Variants in MAGI2 observed in about 807,000 individuals in gnomAD.
MAGI2 encodes membrane-associated guanylate kinase, WW and PDZ domain-containing protein 2.
In MAGI2, 35 loss-of-function variants were observed where a neutral mutation model predicts 133.3. The observed-to-expected ratio is 0.26, with a 90% CI of 0.20 to 0.35. The LOEUF is 0.35. Among genes scored for constraint, MAGI2 ranks in the 10% least tolerant of loss-of-function variants. The pLI is 1.00. For missense variants in MAGI2, 1,636 were observed against 1,863.4 expected (o/e 0.88, Z 2.25); for synonymous variants, 729 against 710.6 (o/e 1.03, Z -0.41).
chr7:78,286,038 T>C (rs749173238), intron 9 of MAGI2, among the ~76,000 whole-genome samples: 1 of 152,160 alleles, frequency 6.6e-6, no homozygotes, highest in Non-Finnish European at 1.5e-5. Context: ...TGTTAAAAAT[T>C]AGAATAAAGT....
At chr7:79,258,092 T>G (rs1833825008) in intron 1 of MAGI2, among the ~76,000 whole-genome samples, 1 of 152,196 alleles carries the variant, frequency 6.6e-6, no homozygotes, top group South Asian at 2.1e-4. Context: ...TTTGTCCATA[T>G]TGATTTTAAA....
intron 1 of MAGI2, among the ~76,000 whole-genome samples, chr7:79,314,539 G>C (rs1315131440): frequency 6.6e-6 from 1 of 152,178 alleles, no homozygotes; most frequent in African/African-American, 2.4e-5. Context: ...TATTATCCTT[G>C]AGACAGATTT....
At chr7:79,217,854 A>G (rs1585230865) in intron 1 of MAGI2, among the ~76,000 whole-genome samples, 1 of 151,980 alleles carries the variant, frequency 6.6e-6, no homozygotes, top group East Asian at 1.9e-4. Flanking sequence ...CAGTCAATAA[A>G]TGGTGGTTAT....
intron 6 of MAGI2, 33 bp from the exon 7 acceptor site, chr7:78,369,246 GA>G (rs1260278561): frequency 1.4e-6 from 2 of 1,397,822 alleles, no homozygotes; most frequent in Admixed American, 1.8e-5. Flanking sequence ...AGTAAATAAA[GA>G]ATATCACAAT....
chr7:78,771,260 C>T (rs1036148576), intron 2 of MAGI2: 2 of 152,288 alleles, frequency 1.3e-5, no homozygotes, highest in Non-Finnish European at 2.9e-5. Context: ...CCCGGTCAGT[C>T]AGGGGCATTT....
At chr7:78,312,055 C>G (rs1178340349) in intron 9 of MAGI2, among the ~76,000 whole-genome samples, 10 of 152,108 alleles carry the variant, frequency 6.6e-5, no homozygotes. Context: ...AGGCATAAAC[C>G]ACTGCACCTG....
chr7:79,418,147 T>C (rs965050096), intron 1 of MAGI2, among the ~76,000 whole-genome samples: 9 of 151,942 alleles, frequency 5.9e-5, no homozygotes, highest in Non-Finnish European at 1.2e-4. Context: ...TTCTTAGTAA[T>C]AGAAAAAAAT....
At chr7:78,303,297 C>T (rs570006408) in intron 9 of MAGI2, among the ~76,000 whole-genome samples, 138 of 144,848 alleles carry the variant, frequency 9.5e-4, no homozygotes, top group Non-Finnish European at 1.6e-3. Flanking sequence ...GAGAATCTCT[C>T]GAACCTGGGA....
chr7:78,881,417 G>A (rs568798992), intron 2 of MAGI2, among the ~76,000 whole-genome samples: 7 of 148,700 alleles, frequency 4.7e-5, no homozygotes, highest in South Asian at 4.4e-4. Flanking sequence ...ATCACACACC[G>A]GGGCCTGTCG....
chr7:79,370,421 C>T (rs943699901), intron 1 of MAGI2, among the ~76,000 whole-genome samples: 2 of 152,014 alleles, frequency 1.3e-5, no homozygotes, highest in African/African-American at 4.8e-5. Context: ...GCATCTAATT[C>T]CTCTTAGCAC....
At chr7:79,186,104 C>G (rs1005448115) in intron 1 of MAGI2, among the ~76,000 whole-genome samples, 1 of 150,362 alleles carries the variant, frequency 6.7e-6, no homozygotes, top group Non-Finnish European at 1.5e-5. Flanking sequence ...TGTAGACATA[C>G]AAAGACCAAC....
At chr7:78,518,721 A>G (rs1796245224) in intron 4 of MAGI2, 1 of 151,936 alleles carries the variant, frequency 6.6e-6, no homozygotes, top group Admixed American at 6.6e-5. Context: ...TTTAAGTGAC[A>G]TGTTTCTCTC....
chr7:78,656,086 A>G (rs1422864603), intron 2 of MAGI2, among the ~76,000 whole-genome samples: 5 of 152,098 alleles, frequency 3.3e-5, no homozygotes, highest in Non-Finnish European at 5.9e-5. Context: ...ATCAAAACAC[A>G]TTACAAAAAA....
intron 3 of MAGI2, among the ~76,000 whole-genome samples, chr7:78,585,517 G>A (rs1032130797): frequency 3.9e-5 from 6 of 152,090 alleles, no homozygotes; most frequent in Non-Finnish European, 7.4e-5. Flanking sequence ...GGAACCGGGG[G>A]GACTGTGGCA....
intron 7 of MAGI2, 73 bp downstream of exon 7, chr7:78,369,083 G>C (rs575402472): frequency 2.2e-5 from 24 of 1,104,838 alleles, no homozygotes; most frequent in Middle Eastern, 2.2e-4. Flanking sequence ...AGCCACACAT[G>C]CTCAATAAAT....
intron 2 of MAGI2, among the ~76,000 whole-genome samples, chr7:78,893,545 C>T (rs974475281): frequency 1.3e-5 from 2 of 152,112 alleles, no homozygotes; most frequent in Non-Finnish European, 2.9e-5. Flanking sequence ...GAATACTATG[C>T]AGCCATAAAA....
chr7:78,653,080 A>G (rs951365685), intron 2 of MAGI2, among the ~76,000 whole-genome samples: 20 of 152,334 alleles, frequency 1.3e-4, no homozygotes, highest in South Asian at 6.2e-4. Flanking sequence ...CAAAACCACA[A>G]TGAGATACCA....
chr7:79,276,852 G>C (rs1835263759), intron 1 of MAGI2, among the ~76,000 whole-genome samples: 2 of 152,004 alleles, frequency 1.3e-5, no homozygotes, highest in Non-Finnish European at 1.5e-5. Context: ...GTGGTCCCAG[G>C]TACTTGGGAA....
chr7:78,666,620 T>C (rs991180298), intron 2 of MAGI2, among the ~76,000 whole-genome samples: 6 of 152,178 alleles, frequency 3.9e-5, no homozygotes, highest in Non-Finnish European at 7.3e-5. Context: ...CTGACATCTG[T>C]GAAGAAGCTT....
Sources: gnomAD v4.1 joint callset for allele counts (sites outside exome capture counted in the v4.1 genomes callset) on GRCh38, gnomAD v4.1.1 for gene constraint, MANE v1.5 for transcripts, NCBI Gene and HGNC (gene_info 2026-07-23, HGNC 2026-07-21) for gene names.